Variants in JPH3 observed in about 807,000 individuals in gnomAD.
The protein encoded by JPH3 is junctophilin 3.
JPH3 carries 11 observed loss-of-function variants against 59.6 expected under a neutral mutation model. The ratio of observed to expected loss-of-function variants is 0.18; its 90% CI spans 0.12 to 0.31. The LOEUF (loss-of-function observed/expected upper bound fraction) is 0.31. Ranked by LOEUF, JPH3 falls within the 10% of genes least tolerant of loss-of-function variation. JPH3 has a pLI of 1.00. For missense variants in JPH3, 1,202 were observed against 1,105.7 expected, an observed-to-expected ratio of 1.09 and a Z score of -1.24; for synonymous variants, 673 against 483.6, an observed-to-expected ratio of 1.39 and a Z score of -5.14.
At chr16:87,673,168 G>A (rs115761796) in intron 2 of JPH3, among the ~76,000 whole-genome samples, 71 of 151,492 alleles carry the variant, frequency 4.7e-4, no homozygotes, top group African/African-American at 1.7e-3. Context: ...AAGTTTAAAT[G>A]TAAAACATAA....
intron 2 of JPH3, among the ~76,000 whole-genome samples, chr16:87,678,581 C>G (rs1295849928): frequency 6.6e-6 from 1 of 152,122 alleles, no homozygotes; most frequent in Non-Finnish European, 1.5e-5. Context: ...TCTGTGTATA[C>G]ACACTCACAT....
At chr16:87,633,804 TAAA>T (rs60189496) in intron 1 of JPH3, among the ~76,000 whole-genome samples, 3,291 of 151,580 alleles carry the variant, frequency 0.022, 116 homozygotes, top group African/African-American at 0.075. Flanking sequence ...TTGCGAAAAA[TAAA>T]AAAAATCTGG....
Position 87,602,539 on chromosome 16 carries a change from GCCGCCGCCA to G in JPH3, c.-599_-591del, listed in dbSNP as rs1401024015. On this transcript the variant is annotated 5_prime_UTR_variant, in exon 1 of 5. Coordinates refer to ENST00000284262, the MANE Select transcript of JPH3 (RefSeq NM_020655.4). ...GCGAGCCGGGCCCGGAGCGCACGCC[GCCGCCGCCA>G]CCGCCGCCGCCGCCGCCCGAGCCGC... Among the ~76,000 whole-genome samples the G allele has an allele frequency of 1.4e-5, 2 of 139,594 alleles. No homozygotes were observed. Among genetic ancestry groups the G allele is most frequent in the Non-Finnish European group, 3.1e-5 (2 of 63,520 alleles). The allele number at this position is 139,594 out of a possible 152,430, so 91.6% of individuals were successfully genotyped here.
chr16:87,641,429 G>T (rs1211639520), intron 1 of JPH3, among the ~76,000 whole-genome samples: 2 of 152,162 alleles, frequency 1.3e-5, no homozygotes, highest in Admixed American at 1.3e-4. Flanking sequence ...AGCAGCTTTG[G>T]GGGTACAGAA....
At chr16:87,630,490 C>T (rs937809187) in intron 1 of JPH3, among the ~76,000 whole-genome samples, 2 of 141,914 alleles carry the variant, frequency 1.4e-5, no homozygotes, top group Admixed American at 1.4e-4. Context: ...AGGCTCAGGT[C>T]TTCACCCACA....
intron 3 of JPH3, among the ~76,000 whole-genome samples, chr16:87,688,714 G>A (rs1270714336): frequency 6.6e-6 from 1 of 152,108 alleles, no homozygotes; most frequent in Non-Finnish European, 1.5e-5. Context: ...TGCTGGGGGC[G>A]GGGGTCCCAC....
In JPH3 at chr16:87,636,758, G is replaced by A. The variant is rs142785594; in HGVS notation, c.383-7500G>A. Among the ~76,000 whole-genome samples the A allele has an allele frequency of 1.1e-4, 17 of 152,330 alleles. No individual in the cohort carries two copies. In the East Asian group the frequency reaches 2.7e-3, roughly 24 times the overall value. On this transcript the variant is annotated intron_variant, in intron 1 of 4. Coordinates refer to ENST00000284262, the MANE Select transcript of JPH3 (RefSeq NM_020655.4). ...GCAAACACGGGGCAGGAAAGACTCC[G>A]GCGACCCTCATTACACTGTGCCGGG...
At chr16:87,684,300 G>A in intron 3 of JPH3, 34 bp downstream of exon 3, 1 of 1,610,816 alleles carries the variant, frequency 6.2e-7, no homozygotes, top group Non-Finnish European at 8.5e-7. Context: ...TGGCATCGTG[G>A]GGAGGGGGTG....
At chr16:87,683,043 A>G (rs936836435) in intron 2 of JPH3, among the ~76,000 whole-genome samples, 10 of 152,194 alleles carry the variant, frequency 6.6e-5, no homozygotes, top group African/African-American at 9.7e-5. Flanking sequence ...CACAGGTACA[A>G]TGGCTCCTTC....
At chr16:87,671,648 A>G (rs4843666) in intron 2 of JPH3, among the ~76,000 whole-genome samples, 11 of 64,756 alleles carry the variant, frequency 1.7e-4, no homozygotes, top group African/African-American at 1.6e-4. Context: ...GGTCCAGGCC[A>G]CCTGCACCGG....
chr16:87,604,546 C>T (rs932500580), intron 1 of JPH3: 27 of 1,256,182 alleles, frequency 2.1e-5, no homozygotes, highest in Non-Finnish European at 2.7e-5. Flanking sequence ...GGCGGCTCGC[C>T]TGTTTCAGGC....
chr16:87,668,250 C>T (rs546569452), intron 2 of JPH3, among the ~76,000 whole-genome samples: 4 of 152,286 alleles, frequency 2.6e-5, no homozygotes, highest in African/African-American at 9.6e-5. Flanking sequence ...CCGGAGCCGG[C>T]ACATGCGTCT....
At chr16:87,616,907 A>G (rs1471311452) in intron 1 of JPH3, among the ~76,000 whole-genome samples, 1 of 152,042 alleles carries the variant, frequency 6.6e-6, no homozygotes, top group Non-Finnish European at 1.5e-5. Flanking sequence ...TTTGCTGGAG[A>G]TTCTTAGGTG....
chr16:87,613,787 C>T (rs1484238852), intron 1 of JPH3, among the ~76,000 whole-genome samples: 1 of 152,068 alleles, frequency 6.6e-6, no homozygotes. Context: ...TATTTTGTTC[C>T]AAGTATTGTG....
At chr16:87,688,163 G>C (rs548363801) in intron 3 of JPH3, among the ~76,000 whole-genome samples, 1 of 152,280 alleles carries the variant, frequency 6.6e-6, no homozygotes, top group East Asian at 1.9e-4. Flanking sequence ...AGTGACCACA[G>C]AGAAGCAGTC....
chr16:87,640,281 A>T (rs2031901933), intron 1 of JPH3, among the ~76,000 whole-genome samples: 1 of 151,538 alleles, frequency 6.6e-6, no homozygotes, highest in Admixed American at 6.6e-5. Context: ...GTGAGCTGAG[A>T]TCGCGCTACT....
intron 1 of JPH3, among the ~76,000 whole-genome samples, chr16:87,641,424 C>T (rs2031947105): frequency 6.6e-6 from 1 of 152,156 alleles, no homozygotes; most frequent in African/African-American, 2.4e-5. Context: ...CCCCAAGCAG[C>T]TTTGGGGGTA....
rs191551549 is a variant in JPH3, at chr16:87,639,801, C to T, written c.383-4457C>T. On this transcript the variant is annotated intron_variant, in intron 1 of 4. Transcript: ENST00000284262. ...CAGCCTGGCTTATTCCACTGCATGACGGCCTCAAGGCTCATCCAGGAAGCA... is the reference window on the plus strand; with the variant it reads ...CAGCCTGGCTTATTCCACTGCATGATGGCCTCAAGGCTCATCCAGGAAGCA... Among the ~76,000 whole-genome samples the T allele has an allele frequency of 6.9e-3, 1,045 of 152,350 alleles. 9 individuals are homozygous for T. The highest frequency in any genetic ancestry group is 0.011 in the Non-Finnish European group (726 of 68,036).
intron 1 of JPH3, among the ~76,000 whole-genome samples, chr16:87,625,287 G>A (rs1050303216): frequency 6.6e-6 from 1 of 152,162 alleles, no homozygotes; most frequent in Non-Finnish European, 1.5e-5. Context: ...TGTGACTATT[G>A]GAGCACACAG....
Sources: gnomAD v4.1 joint callset for allele counts (sites outside exome capture counted in the v4.1 genomes callset) on GRCh38, gnomAD v4.1.1 for gene constraint, MANE v1.5 for transcripts, NCBI Gene and HGNC (gene_info 2026-07-23, HGNC 2026-07-21) for gene names.